Variants in DLC1 observed in about 807,000 individuals in gnomAD.
DLC1 encodes the protein rho GTPase-activating protein 7.
In DLC1, 54 loss-of-function variants were observed where a neutral mutation model predicts 140.3. That is an observed-to-expected ratio of 0.38 (90% confidence interval 0.31 to 0.48). The LOEUF (loss-of-function observed/expected upper bound fraction) is 0.48, where lower values mean the gene tolerates loss of function less well. Ranked by LOEUF, DLC1 falls within the 20% of genes least tolerant of loss-of-function variation. The pLI, the probability that DLC1 is intolerant of heterozygous loss-of-function variation, is 0.96. For synonymous variants in DLC1, 986 were observed against 728.1 expected (o/e 1.35, Z -5.70); for missense variants, 2,536 against 1,907.0 (o/e 1.33, Z -6.14).
rs1431803926 is a variant in DLC1 at position 13,535,800 on chromosome 8, AT to A, written c.-125-35605del. 2.6e-5 allele frequency among the ~76,000 whole-genome samples: 4 copies of A among 152,056 alleles called. No homozygotes were observed. In the East Asian group the frequency reaches 5.8e-4, roughly 22 times the overall value. On this transcript the variant is annotated intron_variant, in intron 1 of 1. Transcript: ENST00000631382. Reference sequence around the variant, plus strand: ...GTATATTAATATTTATAAAATGTCTATTGATATTTATAACTCTGATTATCTA... The same window carrying A: ...GTATATTAATATTTATAAAATGTCTATGATATTTATAACTCTGATTATCTA...
chr8:13,188,676 C>T (rs1826532247), intron 5 of DLC1, among the ~76,000 whole-genome samples: 1 of 139,018 alleles, frequency 7.2e-6, no homozygotes, highest in African/African-American at 2.7e-5. Flanking sequence ...GTGATCTTGG[C>T]TCACTGCAAC....
chr8:13,223,909 G>C (rs1371843908), intron 5 of DLC1, among the ~76,000 whole-genome samples: 2 of 152,146 alleles, frequency 1.3e-5, no homozygotes, highest in Non-Finnish European at 2.9e-5. Flanking sequence ...CAAATCAAAA[G>C]ATTTCCTAAA....
At chr8:13,377,584 G>A (rs1729160) in intron 4 of DLC1, among the ~76,000 whole-genome samples, 78,683 of 151,852 alleles carry the variant, frequency 0.52, 20,905 homozygotes, top group East Asian at 0.81. Context: ...TAGACCTAGA[G>A]CAAAGTCAAA....
intron 5 of DLC1, among the ~76,000 whole-genome samples, chr8:13,220,689 G>C (rs1365166262): frequency 3.3e-5 from 5 of 152,072 alleles, no homozygotes; most frequent in Non-Finnish European, 7.3e-5. Context: ...AAAGAAGTGG[G>C]GACATGCACA....
chr8:13,541,940 G>A (rs1803499117), intron 1 of DLC1, among the ~76,000 whole-genome samples: 1 of 152,158 alleles, frequency 6.6e-6, no homozygotes, highest in African/African-American at 2.4e-5. Context: ...TTCCCAGTGA[G>A]TTCTTACAAC....
chr8:13,485,979 T>C (rs541386230), intron 2 of DLC1, among the ~76,000 whole-genome samples: 1 of 152,214 alleles, frequency 6.6e-6, no homozygotes, highest in Non-Finnish European at 1.5e-5. Flanking sequence ...CTTTATCCTC[T>C]GCCCTCTTGA....
intron 2 of DLC1, among the ~76,000 whole-genome samples, chr8:13,486,909 A>G (rs545265910): frequency 9.8e-5 from 15 of 152,324 alleles, no homozygotes; most frequent in African/African-American, 2.6e-4. Context: ...AGAAATAATC[A>G]TTCTGTACAC....
At chr8:13,513,411 C>G (rs1802463583) in intron 1 of DLC1, among the ~76,000 whole-genome samples, 1 of 152,174 alleles carries the variant, frequency 6.6e-6, no homozygotes, top group Admixed American at 6.5e-5. Flanking sequence ...ATAAGTTATT[C>G]TAGCATAAAA....
intron 2 of DLC1, among the ~76,000 whole-genome samples, chr8:13,420,096 T>G (rs955386365): frequency 4.6e-5 from 7 of 152,230 alleles, no homozygotes; most frequent in African/African-American, 1.7e-4. Flanking sequence ...TGTTTGATTC[T>G]TCTCTCTTTT....
chr8:13,407,126 T>C (rs551141184), intron 2 of DLC1, among the ~76,000 whole-genome samples: 1 of 152,310 alleles, frequency 6.6e-6, no homozygotes, highest in Admixed American at 6.5e-5. Flanking sequence ...TTTGATTTAC[T>C]GTCAGAAACC....
At chr8:13,511,002 C>T (rs1329675935) in intron 1 of DLC1, among the ~76,000 whole-genome samples, 1 of 151,640 alleles carries the variant, frequency 6.6e-6, no homozygotes, top group Non-Finnish European at 1.5e-5. Flanking sequence ...TTCGCTTTTC[C>T]TTCCATTCAT....
intron 1 of DLC1, among the ~76,000 whole-genome samples, chr8:13,603,410 A>C (rs1051115218): frequency 6.6e-6 from 1 of 151,628 alleles, no homozygotes; most frequent in African/African-American, 2.4e-5. Flanking sequence ...ATTTTTTTTT[A>C]GAATTTCCTA....
chr8:13,126,259 AAC>A, intron 5 of DLC1, among the ~76,000 whole-genome samples: 1 of 124,786 alleles, frequency 8.0e-6, no homozygotes, highest in East Asian at 2.2e-4. Flanking sequence ...AATCAAAATA[AAC>A]TAAGAAGGAA....
chr8:13,569,165 A>G (rs568320730), intron 1 of DLC1, among the ~76,000 whole-genome samples: 31 of 152,308 alleles, frequency 2.0e-4, no homozygotes, highest in African/African-American at 7.5e-4. Context: ...GAAGCCATTT[A>G]TTATCTATTT....
intron 5 of DLC1, among the ~76,000 whole-genome samples, chr8:13,217,170 C>G (rs1219852484): frequency 2.0e-5 from 3 of 152,138 alleles, no homozygotes; most frequent in Non-Finnish European, 4.4e-5. Context: ...CATCAGTTCT[C>G]TTACTATTTG....
At chr8:13,548,946 A>G (rs1456281780) in intron 1 of DLC1, among the ~76,000 whole-genome samples, 2 of 152,118 alleles carry the variant, frequency 1.3e-5, no homozygotes, top group South Asian at 2.1e-4. Flanking sequence ...ACTGAATTTC[A>G]GTGAAAGGAT....
At chr8:13,604,179 T>G (rs530783429) in intron 1 of DLC1, among the ~76,000 whole-genome samples, 5 of 152,232 alleles carry the variant, frequency 3.3e-5, no homozygotes, top group Non-Finnish European at 7.4e-5. Flanking sequence ...TCCTTTAAAT[T>G]TAACAAATAT....
intron 4 of DLC1, among the ~76,000 whole-genome samples, chr8:13,347,860 C>A (rs189839270): frequency 2.6e-5 from 4 of 152,228 alleles, no homozygotes; most frequent in Non-Finnish European, 4.4e-5. Context: ...GAGTCCAAGG[C>A]AGGTGGATCA....
rs1275339858 is a variant in DLC1 at position 13,499,823 on chromosome 8, C to G, written c.249G>C (p.Lys83Asn). 6.2e-7 allele frequency: 1 copy of G among 1,614,080 alleles called. No homozygotes were observed. ...CATGGCTGTCATTTTCGTCCACATC[C>G]TTTGAAAGATGACCCATTGGCCTCC... ...FPGRPMGHLS[K>N]DVDENDSHEG... The change falls in exon 2 of 18, where the codon AAG becomes AAC. Residue 83 changes from lysine to asparagine, a missense_variant. Lys to Asn is a moderately conservative substitution (Grantham distance 94, BLOSUM62 0). Coordinates refer to ENST00000276297, the MANE Select transcript of DLC1 (RefSeq NM_182643.3).
Sources: gnomAD v4.1 joint callset for allele counts (sites outside exome capture counted in the v4.1 genomes callset) on GRCh38, gnomAD v4.1.1 for gene constraint, MANE v1.5 for transcripts, NCBI Gene and HGNC (gene_info 2026-07-23, HGNC 2026-07-21) for gene names.